Variants in PLEKHM3 observed in about 807,000 individuals in gnomAD.
PLEKHM3 encodes pleckstrin homology domain-containing family M member 3.
Under a neutral mutation model 81.8 loss-of-function variants are expected in PLEKHM3, and 45 were observed. The ratio of observed to expected loss-of-function variants is 0.55; its 90% CI spans 0.43 to 0.71. The LOEUF (loss-of-function observed/expected upper bound fraction) is 0.71. PLEKHM3 is among the 30% of genes least tolerant of loss of function. The pLI, the probability that PLEKHM3 is intolerant of heterozygous loss-of-function variation, is 0.00. For missense variants in PLEKHM3, 788 were observed against 924.3 expected, an observed-to-expected ratio of 0.85 and a Z score of 1.91; for synonymous variants, 352 against 356.4, an observed-to-expected ratio of 0.99 and a Z score of 0.14.
At chr2:208,014,044 T>C (rs1487549837) in intron 1 of PLEKHM3, among the ~76,000 whole-genome samples, 1 of 152,148 alleles carries the variant, frequency 6.6e-6, no homozygotes, top group East Asian at 1.9e-4. Context: ...GTGACTCACC[T>C]CTTGTTTGAA....
At chr2:207,851,416 T>G in intron 7 of PLEKHM3, 1 of 152,022 alleles carries the variant, frequency 6.6e-6, no homozygotes, top group East Asian at 1.9e-4. Context: ...GTTTTTCTAT[T>G]TAGGTTAAAG....
At chr2:207,923,899 ATATATATT>A (rs1274696845) in intron 5 of PLEKHM3, among the ~76,000 whole-genome samples, 30 of 82,576 alleles carry the variant, frequency 3.6e-4, no homozygotes, top group African/African-American at 1.4e-3. Flanking sequence ...ATATATATAT[ATATATATT>A]TTTTTTTTTT....
intron 2 of PLEKHM3, among the ~76,000 whole-genome samples, chr2:207,994,843 A>C (rs960687601): frequency 3.9e-4 from 60 of 152,166 alleles, no homozygotes; most frequent in African/African-American, 1.4e-3. Context: ...CATCCCATCA[A>C]CTGGTGGCAA....
chr2:207,835,025 C>A (rs1160741443), intron 7 of PLEKHM3, among the ~76,000 whole-genome samples: 1 of 151,564 alleles, frequency 6.6e-6, no homozygotes, highest in Non-Finnish European at 1.5e-5. Flanking sequence ...ACTGCAACCT[C>A]TGCCTTCCGG....
At chr2:207,894,278 C>G (rs750633395) in intron 6 of PLEKHM3, among the ~76,000 whole-genome samples, 2 of 151,996 alleles carry the variant, frequency 1.3e-5, no homozygotes, top group East Asian at 3.9e-4. Context: ...TTGGTGTAGA[C>G]AGAATAAAAT....
intron 1 of PLEKHM3, among the ~76,000 whole-genome samples, chr2:208,022,899 A>C (rs543733522): frequency 6.6e-6 from 1 of 152,320 alleles, no homozygotes; most frequent in Non-Finnish European, 1.5e-5. Flanking sequence ...TGCCTGCCAC[A>C]GTCTTAGGTG....
chr2:207,875,313 T>C (rs1260995966), intron 6 of PLEKHM3, among the ~76,000 whole-genome samples: 2 of 152,204 alleles, frequency 1.3e-5, no homozygotes, highest in Non-Finnish European at 2.9e-5. Context: ...TCAACTTTAC[T>C]TCTCATGGAA....
At chr2:207,957,416 T>C (rs1690551824) in intron 3 of PLEKHM3, among the ~76,000 whole-genome samples, 1 of 152,226 alleles carries the variant, frequency 6.6e-6, no homozygotes, top group Non-Finnish European at 1.5e-5. Flanking sequence ...CATTATGTGG[T>C]GGCTGGGCGC....
chr2:207,863,597 C>T (rs1026144245), intron 6 of PLEKHM3, among the ~76,000 whole-genome samples: 1 of 152,222 alleles, frequency 6.6e-6, no homozygotes, highest in African/African-American at 2.4e-5. Flanking sequence ...TGCCACCCGG[C>T]GTGCTGGGCC....
intron 3 of PLEKHM3, among the ~76,000 whole-genome samples, chr2:207,961,045 C>A (rs1176558208): frequency 6.6e-6 from 1 of 152,230 alleles, no homozygotes; most frequent in Non-Finnish European, 1.5e-5. Context: ...GTTGAAGAGG[C>A]TGACCCACAA....
intron 1 of PLEKHM3, among the ~76,000 whole-genome samples, chr2:208,005,845 T>C (rs1158102230): frequency 6.6e-6 from 1 of 152,204 alleles, no homozygotes; most frequent in Non-Finnish European, 1.5e-5. Context: ...AACAAATGCA[T>C]TGTTGTCGCA....
At chr2:208,021,039 T>C (rs745396144) in intron 1 of PLEKHM3, among the ~76,000 whole-genome samples, 3 of 152,264 alleles carry the variant, frequency 2.0e-5, no homozygotes, top group Non-Finnish European at 4.4e-5. Flanking sequence ...ATCTGCCTAC[T>C]TTTTAAATAT....
chr2:207,909,981 G>C (rs1238274350), intron 5 of PLEKHM3, among the ~76,000 whole-genome samples: 1 of 152,186 alleles, frequency 6.6e-6, no homozygotes, highest in Non-Finnish European at 1.5e-5. Context: ...ATTAAATGAA[G>C]TCCTGACCAG....
intron 6 of PLEKHM3, among the ~76,000 whole-genome samples, chr2:207,889,927 C>G (rs562122981): frequency 6.6e-6 from 1 of 152,250 alleles, no homozygotes; most frequent in South Asian, 2.1e-4. Flanking sequence ...CCTCAGCCTC[C>G]CAAGTAGCTG....
intron 5 of PLEKHM3, among the ~76,000 whole-genome samples, chr2:207,921,835 G>T (rs977406355): frequency 1.3e-5 from 2 of 152,118 alleles, no homozygotes; most frequent in African/African-American, 4.8e-5. Context: ...TGAATGACAG[G>T]ATTTCACTCT....
chr2:207,862,567 G>A (rs1559211415), intron 6 of PLEKHM3, among the ~76,000 whole-genome samples: 2 of 152,136 alleles, frequency 1.3e-5, no homozygotes, highest in African/African-American at 2.4e-5. Context: ...GAACCTGGGA[G>A]GCAGAGGTTG....
At chr2:207,985,220 C>T (rs1298176207) in intron 2 of PLEKHM3, among the ~76,000 whole-genome samples, 2 of 151,476 alleles carry the variant, frequency 1.3e-5, no homozygotes, top group Admixed American at 6.6e-5. Context: ...CAGTCCCCCA[C>T]CTAGATCTTC....
intron 3 of PLEKHM3, among the ~76,000 whole-genome samples, chr2:207,956,280 C>T (rs1032864845): frequency 7.2e-5 from 11 of 152,034 alleles, no homozygotes; most frequent in African/African-American, 2.7e-4. Context: ...GCCTGGCCAA[C>T]ATGGTGAAAC....
intron 6 of PLEKHM3, among the ~76,000 whole-genome samples, chr2:207,903,100 C>T (rs1171128469): frequency 6.6e-6 from 1 of 152,078 alleles, no homozygotes; most frequent in Non-Finnish European, 1.5e-5. Flanking sequence ...CTTTCCTGTC[C>T]TTTTTCTTTC....
Sources: allele counts gnomAD v4.1 joint callset (sites outside exome capture counted in the v4.1 genomes callset), GRCh38; gene constraint gnomAD v4.1.1; transcripts MANE v1.5; gene names NCBI Gene and HGNC (gene_info 2026-07-23, HGNC 2026-07-21).